The following HIVEP3 variants were observed in gnomAD, a reference collection of about 807,000 sequenced individuals.
HIVEP3 encodes the protein transcription factor HIVEP3.
Under a neutral mutation model 152.8 loss-of-function variants are expected in HIVEP3, and 49 were observed. That is an observed-to-expected ratio of 0.32 (90% CI 0.26 to 0.41). The LOEUF (loss-of-function observed/expected upper bound fraction) is 0.41. Among genes scored for constraint, HIVEP3 ranks in the 10% least tolerant of loss-of-function variants. The pLI, the probability that HIVEP3 is intolerant of heterozygous loss-of-function variation, is 1.00. For synonymous variants in HIVEP3, 1,269 were observed against 1,289.0 expected (o/e 0.98, Z 0.33); for missense variants, 2,790 against 3,103.3 (o/e 0.90, Z 2.40).
chr1:41,976,086 G>A (rs114850923), intron 1 of HIVEP3, among the ~76,000 whole-genome samples: 2 of 151,696 alleles, frequency 1.3e-5, no homozygotes, highest in African/African-American at 4.9e-5. Context: ...GGTCAACCAC[G>A]CTTACGTCTA....
intron 3 of HIVEP3, among the ~76,000 whole-genome samples, chr1:41,602,003 T>C (rs1289599934): frequency 6.6e-6 from 1 of 152,020 alleles, no homozygotes; most frequent in Non-Finnish European, 1.5e-5. Context: ...GAGATGCTCA[T>C]GTGATTTTAA....
At chr1:41,869,275 A>G (rs980486461) in intron 1 of HIVEP3, among the ~76,000 whole-genome samples, 5 of 152,250 alleles carry the variant, frequency 3.3e-5, no homozygotes, top group African/African-American at 9.6e-5. Flanking sequence ...GTGTGTCACA[A>G]GCAAGGGATC....
chr1:41,650,434 G>A (rs1645530598), intron 2 of HIVEP3, among the ~76,000 whole-genome samples: 1 of 152,180 alleles, frequency 6.6e-6, no homozygotes, highest in Non-Finnish European at 1.5e-5. Flanking sequence ...CTGGGCGCTT[G>A]CTAAGTGTCA....
At chr1:41,988,473 T>C (rs1645337105) in intron 1 of HIVEP3, among the ~76,000 whole-genome samples, 1 of 152,172 alleles carries the variant, frequency 6.6e-6, no homozygotes, top group Non-Finnish European at 1.5e-5. Context: ...AAAATACTCA[T>C]CACTAATCAT....
At chr1:42,004,874 A>G (rs984411645) in intron 1 of HIVEP3, among the ~76,000 whole-genome samples, 6 of 152,242 alleles carry the variant, frequency 3.9e-5, no homozygotes, top group African/African-American at 1.4e-4. Context: ...TGACTGCTAC[A>G]GCAACTCATT....
chr1:41,998,212 A>G (rs1296524048), intron 1 of HIVEP3, among the ~76,000 whole-genome samples: 2 of 152,218 alleles, frequency 1.3e-5, no homozygotes, highest in Non-Finnish European at 2.9e-5. Flanking sequence ...TAAAATGAAC[A>G]TAATATGTTC....
chr1:41,896,283 G>A (rs1368286107), intron 1 of HIVEP3, among the ~76,000 whole-genome samples: 1 of 152,224 alleles, frequency 6.6e-6, no homozygotes, highest in African/African-American at 2.4e-5. Context: ...CAGGATTCAA[G>A]TTGATGAGTG....
chr1:41,888,129 G>A (rs542082623), intron 1 of HIVEP3, among the ~76,000 whole-genome samples: 1 of 149,462 alleles, frequency 6.7e-6, no homozygotes, highest in African/African-American at 2.5e-5. Flanking sequence ...TCCGCCTCCT[G>A]GGTTCACGCC....
intron 1 of HIVEP3, among the ~76,000 whole-genome samples, chr1:41,705,273 A>C (rs1558194945): frequency 6.6e-6 from 1 of 151,890 alleles, no homozygotes; most frequent in Non-Finnish European, 1.5e-5. Flanking sequence ...TCATCTCCCC[A>C]CCCTGGCCTG....
chr1:41,958,688 T>C (rs368566474), intron 1 of HIVEP3, among the ~76,000 whole-genome samples: 6 of 152,292 alleles, frequency 3.9e-5, no homozygotes, highest in Middle Eastern at 3.4e-3. Context: ...TCCCAAGGCT[T>C]GGCTTGGCTC....
chr1:41,679,094 G>A (rs775279430), intron 2 of HIVEP3, among the ~76,000 whole-genome samples: 6 of 152,210 alleles, frequency 3.9e-5, no homozygotes, highest in Non-Finnish European at 5.9e-5. Context: ...CTCATATCAC[G>A]ACTGGGCATT....
chr1:41,888,268 G>T (rs1027920279), intron 1 of HIVEP3, among the ~76,000 whole-genome samples: 1 of 145,346 alleles, frequency 6.9e-6, no homozygotes, highest in Admixed American at 7.0e-5. Flanking sequence ...TAGCCAGGAT[G>T]GTCTCAATCT....
intron 3 of HIVEP3, among the ~76,000 whole-genome samples, chr1:41,609,933 CTCTGAGTAAAGCAGACCGCTTTCCACA>C (rs1368227564): frequency 5.3e-5 from 8 of 152,240 alleles, no homozygotes; most frequent in African/African-American, 1.7e-4. Flanking sequence ...AATTGGTAAA[CTCTGAGTAAAGCAGACCGCTTTCCACA>C]ATATGAGTGA....
chr1:41,904,508 G>A (rs1199565625), intron 1 of HIVEP3, among the ~76,000 whole-genome samples: 1 of 152,148 alleles, frequency 6.6e-6, no homozygotes, highest in African/African-American at 2.4e-5. Flanking sequence ...GGAATTAAGG[G>A]AGACTATCCA....
chr1:41,516,181 G>GGCGGGCCCTTCCCAGGGCCCTTGCAGGA (rs1553218065), intron 7 of HIVEP3, among the ~76,000 whole-genome samples: 15 of 151,538 alleles, frequency 9.9e-5, no homozygotes, highest in Non-Finnish European at 1.8e-4. Context: ...CCCCTGGCTG[G>GGCGGGCCCTTCCCAGGGCCCTTGCAGGA]GCGGCCCCGC....
intron 1 of HIVEP3, among the ~76,000 whole-genome samples, chr1:41,850,529 C>T (rs901981882): frequency 1.2e-4 from 19 of 152,180 alleles, no homozygotes; most frequent in Non-Finnish European, 1.0e-4. Context: ...CTCAAAATCG[C>T]AAACGTGGAG....
intron 1 of HIVEP3, among the ~76,000 whole-genome samples, chr1:41,775,553 C>T (rs1452988586): frequency 5.8e-4 from 89 of 152,164 alleles, no homozygotes; most frequent in Non-Finnish European, 8.8e-5. Flanking sequence ...TGCAGTGGCG[C>T]GATCTCGGCT....
chr1:41,782,674 G>A (rs1453629493), intron 1 of HIVEP3, among the ~76,000 whole-genome samples: 6 of 149,232 alleles, frequency 4.0e-5, no homozygotes, highest in Non-Finnish European at 8.9e-5. Flanking sequence ...GGAGATTGCA[G>A]TGAGCTGAGA....
At chr1:41,752,510 C>T (rs555855096) in intron 1 of HIVEP3, among the ~76,000 whole-genome samples, 18 of 152,200 alleles carry the variant, frequency 1.2e-4, no homozygotes, top group Non-Finnish European at 2.2e-4. Context: ...CTAACCCAGC[C>T]TAGGGGGCTG....
Sources: gnomAD v4.1 joint callset for allele counts (sites outside exome capture counted in the v4.1 genomes callset) on GRCh38, gnomAD v4.1.1 for gene constraint, MANE v1.5 for transcripts, NCBI Gene and HGNC (gene_info 2026-07-23, HGNC 2026-07-21) for gene names.